Variants in SMAD6 observed in about 807,000 individuals in gnomAD.
SMAD6 encodes the protein SMAD family member 6.
Under a neutral mutation model 39.4 loss-of-function variants are expected in SMAD6, and 103 were observed. The observed-to-expected ratio is 2.62, with a 90% CI of 2.23 to 3.08. SMAD6 has a LOEUF of 3.08. Ranked by LOEUF, SMAD6 falls within the 30% of genes most tolerant of loss-of-function variation. The pLI is 0.00. For missense variants in SMAD6, 1,104 were observed against 742.9 expected (o/e 1.49, Z -5.65); for synonymous variants, 445 against 353.3 (o/e 1.26, Z -2.91).
At chr15:66,719,762 C>T (rs1317070280) in intron 3 of SMAD6, among the ~76,000 whole-genome samples, 2 of 152,170 alleles carry the variant, frequency 1.3e-5, no homozygotes, top group Non-Finnish European at 2.9e-5. Context: ...GGGCGAGGGG[C>T]CGCAGGAAAG....
At chr15:66,710,012 T>TCCC (rs1043948593) in intron 1 of SMAD6, among the ~76,000 whole-genome samples, 1 of 152,194 alleles carries the variant, frequency 6.6e-6, no homozygotes, top group Non-Finnish European at 1.5e-5. Flanking sequence ...GCAGGTGGTG[T>TCCC]CCCAGACCCA....
In SMAD6 at chr15:66,703,315, C is replaced by T; in HGVS notation, c.57C>T (p.Val19=). ...LVRRLWRSRV[V]PDREEGGSGG... ...GGCGACTTTGGCGAAGTCGTGTGGT[C>T]CCCGACCGGGAGGAAGGCGGCAGCG... is the stretch of plus-strand genomic sequence containing the variant. The change falls in exon 1 of 4, where the codon GTC becomes GTT. Residue 19 remains valine (V), a synonymous_variant. Transcript: ENST00000288840. 6.7e-7 allele frequency: 1 copy of T among 1,487,666 alleles called. No homozygotes were observed. Among genetic ancestry groups the T allele is most frequent in the East Asian group, 3.0e-5 (1 of 33,884 alleles). 92.2% of individuals were successfully genotyped at this position (1,487,666 alleles called of 1,614,324 possible).
chr15:66,703,256 C>G lies in SMAD6; in HGVS notation c.-3C>G. 2.1e-6 allele frequency: 3 copies of G among 1,448,794 alleles called. No homozygotes were observed. The highest frequency in any genetic ancestry group is 2.7e-6 in the Non-Finnish European group (3 of 1,098,666). 89.7% of individuals were successfully genotyped at this position (1,448,794 alleles called of 1,614,324 possible). A position where few individuals can be genotyped will look rare whatever the true frequency, so the allele number is the denominator to read the frequency against. On this transcript the variant is annotated 5_prime_UTR_variant, in exon 1 of 4. The change creates a new upstream start codon in the 5' untranslated region. Coordinates refer to ENST00000288840, the MANE Select transcript of SMAD6 (RefSeq NM_005585.5). Reference sequence around the variant, plus strand: ...CCCCACCCCTGGCGCCAAAGGATATCGTATGTTCAGGTCCAAACGCTCGGG... The same window carrying G: ...CCCCACCCCTGGCGCCAAAGGATATGGTATGTTCAGGTCCAAACGCTCGGG...
At chr15:66,752,274 C>T (rs1159443122) in intron 3 of SMAD6, among the ~76,000 whole-genome samples, 2 of 152,172 alleles carry the variant, frequency 1.3e-5, no homozygotes, top group Admixed American at 1.3e-4. Flanking sequence ...CACTTTCTGA[C>T]AGACCACAGA....
rs991651072 is a variant in SMAD6 at position 66,781,395 on chromosome 15, G to T, written c.1351G>T (p.Glu451Ter). Residue 451 changes from glutamate to a stop codon, truncating the protein, a stop_gained, in exon 4 of 4, where the codon GAG becomes TAG. Coordinates refer to ENST00000288840, the MANE Select transcript of SMAD6 (RefSeq NM_005585.5). LOFTEE classifies it high-confidence loss of function. ...FERSGLQHAP[E>*]PDAADGPYDP... ...GCGCTCGGGCCTGCAGCACGCGCCC[G>T]AGCCCGACGCCGCCGACGGCCCCTA... 1.2e-6 allele frequency: 2 copies of T among 1,602,270 alleles called. No individual in the cohort carries two copies. The highest frequency in any genetic ancestry group is 1.7e-6 in the Non-Finnish European group (2 of 1,177,722).
chr15:66,772,301 TC>T (rs1203351604), intron 3 of SMAD6, among the ~76,000 whole-genome samples: 1 of 152,236 alleles, frequency 6.6e-6, no homozygotes, highest in Non-Finnish European at 1.5e-5. Flanking sequence ...CTCAGCTCCC[TC>T]ATCTTAAGAT....
chr15:66,709,554 G>C (rs1478956453), intron 1 of SMAD6, among the ~76,000 whole-genome samples: 1 of 152,144 alleles, frequency 6.6e-6, no homozygotes, highest in African/African-American at 2.4e-5. Context: ...ATTCACCTTT[G>C]GGGACAAATC....
intron 2 of SMAD6, among the ~76,000 whole-genome samples, chr15:66,715,834 G>T (rs953059172): frequency 1.3e-5 from 2 of 151,984 alleles, no homozygotes; most frequent in South Asian, 2.1e-4. Context: ...TTGTGAGCAG[G>T]TTTGGATGTT....
intron 3 of SMAD6, among the ~76,000 whole-genome samples, chr15:66,741,866 C>T (rs1893821303): frequency 6.6e-6 from 1 of 152,198 alleles, no homozygotes; most frequent in African/African-American, 2.4e-5. Flanking sequence ...GAGGCATTGA[C>T]TTGGACCCTT....
In SMAD6 at chr15:66,702,983, T is replaced by C. The variant is rs907680729; in HGVS notation, c.-276T>C. On this transcript the variant is annotated 5_prime_UTR_variant, in exon 1 of 4. Transcript: ENST00000288840. ...CCCTAAAGCGCGGGGGCTGGAGTTGTTGAGCAGCCCCGCCGCTGTGGTCCA... is the reference window on the plus strand; with the variant it reads ...CCCTAAAGCGCGGGGGCTGGAGTTGCTGAGCAGCCCCGCCGCTGTGGTCCA... 40 of 305,128 alleles carry C rather than the reference T, an allele frequency of 1.3e-4. No individual in the cohort carries two copies. The highest frequency in any genetic ancestry group is 5.1e-5 in the Admixed American group (1 of 19,448). The allele number at this position is 305,128 out of a possible 1,614,324, so 18.9% of individuals were successfully genotyped here.
At chr15:66,724,887 T>C (rs1290843206) in intron 3 of SMAD6, among the ~76,000 whole-genome samples, 3 of 152,102 alleles carry the variant, frequency 2.0e-5, no homozygotes, top group African/African-American at 7.2e-5. Context: ...CCCCTACCCC[T>C]CACTATACAT....
At chr15:66,713,295 G>A (rs558537769) in intron 2 of SMAD6, among the ~76,000 whole-genome samples, 1 of 152,316 alleles carries the variant, frequency 6.6e-6, no homozygotes, top group South Asian at 2.1e-4. Flanking sequence ...CCAGTAGTGT[G>A]TGTCAGCATC....
At chr15:66,745,458 C>T (rs1034356552) in intron 3 of SMAD6, among the ~76,000 whole-genome samples, 2 of 152,106 alleles carry the variant, frequency 1.3e-5, no homozygotes, top group Admixed American at 1.3e-4. Flanking sequence ...GTGGTCTTCT[C>T]GCTCCTGTTC....
chr15:66,704,076 G>T lies in SMAD6; in HGVS notation c.817+1G>T. On this transcript the variant is annotated splice_donor_variant, in intron 1 of 3. Transcript: ENST00000288840. LOFTEE classifies it high-confidence loss of function. ...CACTTCAGCCGGCTCTGCGGGCCCGGTGAGCGCGCTGCGCCGGCCGGGGGG... is the reference window on the plus strand; with the variant it reads ...CACTTCAGCCGGCTCTGCGGGCCCGTTGAGCGCGCTGCGCCGGCCGGGGGG... 2 of 1,478,936 alleles carry T rather than the reference G, an allele frequency of 1.4e-6. No homozygotes were observed. Among genetic ancestry groups the T allele is most frequent in the Non-Finnish European group, 1.8e-6 (2 of 1,122,542 alleles). 91.6% of individuals were successfully genotyped at this position (1,478,936 alleles called of 1,614,324 possible).
chr15:66,703,248 A>G lies in SMAD6; in HGVS notation c.-11A>G. On this transcript the variant is annotated 5_prime_UTR_variant, in exon 1 of 4. Transcript: ENST00000288840. ...CGCCTCCCCCCCACCCCTGGCGCCA[A>G]AGGATATCGTATGTTCAGGTCCAAA... 2 of 1,408,972 alleles carry G rather than the reference A, an allele frequency of 1.4e-6. No homozygotes were observed. The highest frequency in any genetic ancestry group is 1.9e-6 in the Non-Finnish European group (2 of 1,076,098). 87.3% of individuals were successfully genotyped at this position (1,408,972 alleles called of 1,614,324 possible). A position where few individuals can be genotyped will look rare whatever the true frequency, so the allele number is the denominator to read the frequency against.
In SMAD6 at chr15:66,703,980, T is replaced by G. The variant is rs561075621; in HGVS notation, c.722T>G (p.Leu241Arg). 1 of 1,470,954 alleles carries G rather than the reference T, an allele frequency of 6.8e-7. No individual in the cohort carries two copies. Among genetic ancestry groups the G allele is most frequent in the Admixed American group, 2.3e-5 (1 of 42,656 alleles). The allele number at this position is 1,470,954 out of a possible 1,614,324, so 91.1% of individuals were successfully genotyped here. ...CCCGACCTGCAGCACGCCGTGGAGC[T>G]GAAGCCCCTGTGCGGCTGCCACAGC... Reference protein sequence around the residue: ...RWPDLQHAVELKPLCGCHSFA... With the variant: ...RWPDLQHAVERKPLCGCHSFA... Residue 241 changes from leucine (L) to arginine (R), a missense_variant, in exon 1 of 4, where the codon CTG becomes CGG. Physicochemically the swap from Leu to Arg is moderately radical, Grantham distance 102. Coordinates refer to ENST00000288840, the MANE Select transcript of SMAD6 (RefSeq NM_005585.5).
At chr15:66,759,861 G>A (rs1254109786) in intron 3 of SMAD6, among the ~76,000 whole-genome samples, 1 of 152,226 alleles carries the variant, frequency 6.6e-6, no homozygotes, top group Admixed American at 6.5e-5. Flanking sequence ...GTTGGGGTGT[G>A]CATACCTGAG....
intron 3 of SMAD6, among the ~76,000 whole-genome samples, chr15:66,773,639 T>C (rs1894416196): frequency 6.6e-6 from 1 of 152,076 alleles, no homozygotes; most frequent in South Asian, 2.1e-4. Flanking sequence ...GATGAAAAGC[T>C]GCCGGTTGGA....
intron 3 of SMAD6, among the ~76,000 whole-genome samples, chr15:66,760,411 C>T (rs1347326144): frequency 2.0e-5 from 3 of 152,172 alleles, no homozygotes; most frequent in East Asian, 1.9e-4. Context: ...AAACCTGTAC[C>T]GCCGGTGACT....
Sources: gnomAD v4.1 joint callset for allele counts (sites outside exome capture counted in the v4.1 genomes callset) on GRCh38, gnomAD v4.1.1 for gene constraint, MANE v1.5 for transcripts, NCBI Gene and HGNC (gene_info 2026-07-23, HGNC 2026-07-21) for gene names.